CHRM2: variants seen among roughly 807,000 people sequenced by gnomAD.
CHRM2 encodes muscarinic acetylcholine receptor M2.
Under a neutral mutation model 25.0 loss-of-function variants are expected in CHRM2, and 8 were observed. That is an observed-to-expected ratio of 0.32 (90% CI 0.19 to 0.58). The LOEUF (loss-of-function observed/expected upper bound fraction) is 0.58. Among genes scored for constraint, CHRM2 ranks in the 20% least tolerant of loss-of-function variants. The pLI is 0.88. For missense variants in CHRM2, 440 were observed against 567.1 expected (o/e 0.78, Z 2.28); for synonymous variants, 202 against 205.7 (o/e 0.98, Z 0.15).
chr7:136,944,608 T>C (rs1199073892), intron 2 of CHRM2, among the ~76,000 whole-genome samples: 2 of 152,134 alleles, frequency 1.3e-5, no homozygotes, highest in Non-Finnish European at 2.9e-5. Flanking sequence ...ATTTTTGCAA[T>C]TGAAAATTGT....
intron 2 of CHRM2, among the ~76,000 whole-genome samples, chr7:136,971,618 C>CAAAAAA (rs10708408): frequency 1.1e-5 from 1 of 92,904 alleles, no homozygotes; most frequent in Non-Finnish European, 2.1e-5. Context: ...CTCTGTTTCA[C>CAAAAAA]AAAAAAAAAA....
chr7:136,962,474 G>C (rs1801159536), intron 2 of CHRM2, among the ~76,000 whole-genome samples: 1 of 152,072 alleles, frequency 6.6e-6, no homozygotes, highest in African/African-American at 2.4e-5. Flanking sequence ...ATAGTAGAGG[G>C]TGAGTGGTAG....
intron 2 of CHRM2, among the ~76,000 whole-genome samples, chr7:136,922,294 C>A (rs1054226329): frequency 3.3e-5 from 5 of 152,174 alleles, no homozygotes; most frequent in Non-Finnish European, 5.9e-5. Context: ...TCTGGCACTA[C>A]CTTAGTTTGG....
At chr7:137,008,438 C>T (rs1408474664) in intron 3 of CHRM2, among the ~76,000 whole-genome samples, 2 of 151,904 alleles carry the variant, frequency 1.3e-5, no homozygotes, top group African/African-American at 4.8e-5. Context: ...GTGTTTAGCC[C>T]TCATATACAA....
chr7:136,924,813 A>T (rs1798651679), intron 2 of CHRM2, among the ~76,000 whole-genome samples: 1 of 152,186 alleles, frequency 6.6e-6, no homozygotes, highest in Non-Finnish European at 1.5e-5. Context: ...ATGGTGAGCC[A>T]CATTTTGCTT....
intron 2 of CHRM2, among the ~76,000 whole-genome samples, chr7:136,968,220 C>G (rs1411730264): frequency 6.6e-6 from 1 of 152,010 alleles, no homozygotes; most frequent in Non-Finnish European, 1.5e-5. Context: ...TTGACCATCT[C>G]TCTGTTCCCC....
At chr7:136,932,899 G>A (rs1314714054) in intron 2 of CHRM2, among the ~76,000 whole-genome samples, 1 of 152,022 alleles carries the variant, frequency 6.6e-6, no homozygotes, top group African/African-American at 2.4e-5. Flanking sequence ...GCATGGTGGC[G>A]TGCACCTGTA....
intron 2 of CHRM2, among the ~76,000 whole-genome samples, chr7:136,987,638 A>G (rs540689677): frequency 8.5e-5 from 13 of 152,342 alleles, no homozygotes; most frequent in African/African-American, 2.9e-4. Context: ...AGCTGTGCCA[A>G]TGGATCAGGG....
intron 2 of CHRM2, among the ~76,000 whole-genome samples, chr7:136,986,737 T>C (rs1021467043): frequency 3.9e-5 from 6 of 152,190 alleles, no homozygotes; most frequent in African/African-American, 1.2e-4. Flanking sequence ...GGGCAAGCCG[T>C]ATTCCTAAGC....
chr7:136,998,133 T>C (rs1381173274), intron 3 of CHRM2, among the ~76,000 whole-genome samples: 1 of 152,188 alleles, frequency 6.6e-6, no homozygotes, highest in African/African-American at 2.4e-5. Flanking sequence ...AGTAGGTACA[T>C]ATGGAGCTAG....
At chr7:136,993,486 G>A (rs1191469910) in intron 3 of CHRM2, among the ~76,000 whole-genome samples, 1 of 152,104 alleles carries the variant, frequency 6.6e-6, no homozygotes, top group African/African-American at 2.4e-5. Context: ...CTGAGGTCAG[G>A]GGAGAGAGAT....
At chr7:136,938,660 C>T in intron 2 of CHRM2, 1 of 811,776 alleles carries the variant, frequency 1.2e-6, no homozygotes, top group Non-Finnish European at 2.1e-6. Context: ...CCCACTCGTG[C>T]AGGAGCGGCT....
chr7:136,916,303 T>C (rs1295189324), intron 2 of CHRM2, among the ~76,000 whole-genome samples: 1 of 151,906 alleles, frequency 6.6e-6, no homozygotes, highest in Non-Finnish European at 1.5e-5. Context: ...TGAATACATT[T>C]AATCCTCATT....
At position 136,869,409 on chromosome 7, in the gene CHRM2, C is replaced by G. The variant is rs1795723435; in HGVS notation, c.-134C>G. ...AGCCGGGGAGGCAACTGGAGCGAAA[C>G]CAGCGACAGGTAAGGGCCCCGCGCT... On this transcript the variant is annotated 5_prime_UTR_variant, in exon 2 of 4. Coordinates refer to ENST00000680005, the MANE Select transcript of CHRM2 (RefSeq NM_001006630.2). This position sits in a 1 kb window ranked among gnomAD's most constrained non-coding sequence, Gnocchi z 4.9. 6.6e-6 allele frequency: 1 copy of G among 152,366 alleles called. No individual in the cohort carries two copies. Among genetic ancestry groups the G allele is most frequent in the Non-Finnish European group, 1.5e-5 (1 of 68,208 alleles). 9.4% of individuals were successfully genotyped at this position (152,366 alleles called of 1,614,324 possible). A position where few individuals can be genotyped will look rare whatever the true frequency, so the allele number is the denominator to read the frequency against.
intron 2 of CHRM2, among the ~76,000 whole-genome samples, chr7:136,918,808 T>C (rs1246893217): frequency 1.3e-5 from 2 of 152,020 alleles, no homozygotes; most frequent in Non-Finnish European, 2.9e-5. Context: ...GCCACTGATA[T>C]ATTTTAATAG....
rs899982435 is a variant in CHRM2 at position 137,015,710 on chromosome 7, G to C, written c.845G>C (p.Ser282Thr). The C allele has an allele frequency of 6.2e-7, 1 of 1,613,254 alleles. No homozygotes were observed. Among genetic ancestry groups the C allele is most frequent in the Non-Finnish European group, 8.5e-7 (1 of 1,179,558 alleles). Reference protein sequence around the residue: ...ENCVQGEEKESSNDSTSVSAV... With the variant: ...ENCVQGEEKETSNDSTSVSAV... ...TGTGTTCAGGGAGAGGAGAAGGAGA[G>C]CTCCAATGACTCCACCTCAGTCAGT... The change falls in exon 4 of 4, where the codon AGC becomes ACC. Residue 282 changes from serine to threonine, a missense_variant. Transcript: ENST00000680005. This position sits in a 1 kb window ranked among gnomAD's most constrained non-coding sequence, Gnocchi z 5.1.
intron 2 of CHRM2, among the ~76,000 whole-genome samples, chr7:136,984,157 G>A (rs147214154): frequency 6.6e-6 from 1 of 152,180 alleles, no homozygotes; most frequent in South Asian, 2.1e-4. Flanking sequence ...GGAATCTAGA[G>A]AGGCAGTCTG....
intron 2 of CHRM2, among the ~76,000 whole-genome samples, chr7:136,941,390 CAT>C (rs1799763138): frequency 6.6e-6 from 1 of 152,166 alleles, no homozygotes. Context: ...CAAAATGTCA[CAT>C]GATTTATCAA....
intron 2 of CHRM2, among the ~76,000 whole-genome samples, chr7:136,975,555 A>T (rs1802053376): frequency 6.6e-6 from 1 of 152,236 alleles, no homozygotes; most frequent in East Asian, 1.9e-4. Context: ...CAATTTCCCC[A>T]ATAAAACATA....
Sources: allele counts gnomAD v4.1 joint callset (sites outside exome capture counted in the v4.1 genomes callset), GRCh38; gene constraint gnomAD v4.1.1; non-coding constraint Gnocchi (gnomAD v3.1); transcripts MANE v1.5; gene names NCBI Gene and HGNC (gene_info 2026-07-23, HGNC 2026-07-21).